The following CACNA1H variants were observed in gnomAD, a reference collection of about 807,000 sequenced individuals.
The protein encoded by CACNA1H is calcium voltage-gated channel subunit alpha1 H, also known as voltage-dependent T-type calcium channel subunit alpha-1H.
In CACNA1H, 149 loss-of-function variants were observed where a neutral mutation model predicts 192.5. The ratio of observed to expected loss-of-function variants is 0.77; its 90% CI spans 0.68 to 0.89. The LOEUF is 0.89. CACNA1H is among the 40% of genes least tolerant of loss of function. The probability of loss-of-function intolerance (pLI) is 0.00; values close to 1 mark genes in which losing one functional copy is unlikely to be tolerated. For missense variants in CACNA1H, 4,257 were observed against 3,423.5 expected, an observed-to-expected ratio of 1.24 and a Z score of -6.08; for synonymous variants, 2,202 against 1,475.2, an observed-to-expected ratio of 1.49 and a Z score of -11.29.
chr16:1,176,038 C>T (rs76953133), intron 2 of CACNA1H, among the ~76,000 whole-genome samples: 1 of 152,340 alleles, frequency 6.6e-6, no homozygotes, highest in African/African-American at 2.4e-5. Context: ...AGGCGCCTCC[C>T]ACTCCCATCG....
chr16:1,184,757 C>T (rs1965813840), intron 2 of CACNA1H, among the ~76,000 whole-genome samples: 1 of 152,246 alleles, frequency 6.6e-6, no homozygotes, highest in Non-Finnish European at 1.5e-5. Flanking sequence ...GTCTCAATTC[C>T]TGGTCCAAAG....
At chr16:1,184,567 C>T (rs1044965873) in intron 2 of CACNA1H, among the ~76,000 whole-genome samples, 3 of 152,272 alleles carry the variant, frequency 2.0e-5, no homozygotes, top group African/African-American at 4.8e-5. Context: ...CATCCCTGCC[C>T]TCTCGTAGGC....
chr16:1,178,462 C>G (rs1379509235), intron 2 of CACNA1H, among the ~76,000 whole-genome samples: 2 of 151,918 alleles, frequency 1.3e-5, no homozygotes, highest in East Asian at 3.9e-4. Flanking sequence ...AGATAAGGGC[C>G]CTTTCGAAGG....
chr16:1,176,513 T>C lies in CACNA1H; in HGVS notation c.300-18459T>C, dbSNP rs536217991. ...ACCTGTGGCTCGGGCTGAGGAGGCC[T>C]GGGGCCAGTACTTCCCCCCATGCTC... On this transcript the variant is annotated intron_variant, in intron 2 of 34. Transcript: ENST00000348261. 3.3e-5 allele frequency among the ~76,000 whole-genome samples: 5 copies of C among 152,334 alleles called. No homozygotes were observed. In the East Asian group the frequency reaches 9.7e-4, roughly 29 times the overall value.
At position 1,212,507 on chromosome 16, in the gene CACNA1H, C is replaced by T. The variant is rs377601289; in HGVS notation, c.4760-4C>T. Reference sequence around the variant, plus strand: ...GCCCTCAGACCATCTCCTTGTCTTTCCAGGCACTTTCCCCAGCCCAGGTAC... The same window carrying T: ...GCCCTCAGACCATCTCCTTGTCTTTTCAGGCACTTTCCCCAGCCCAGGTAC... On this transcript the variant is annotated splice_region_variant and splice_polypyrimidine_tract_variant and intron_variant, in intron 25 of 34. Transcript: ENST00000348261. The T allele has an allele frequency of 1.2e-6, 2 of 1,610,918 alleles. No individual in the cohort carries two copies. The highest frequency in any genetic ancestry group is 2.7e-5 in the African/African-American group (2 of 74,884).
chr16:1,157,371 A>G (rs1339993692), intron 2 of CACNA1H, among the ~76,000 whole-genome samples: 1 of 152,222 alleles, frequency 6.6e-6, no homozygotes, highest in Non-Finnish European at 1.5e-5. Flanking sequence ...GGGATGCTGA[A>G]GGACAGAGCT....
intron 17 of CACNA1H, 81 bp downstream of exon 17, chr16:1,209,493 G>A: frequency 1.3e-6 from 2 of 1,527,818 alleles, no homozygotes; most frequent in Non-Finnish European, 1.8e-6. Context: ...TTTGAGATGG[G>A]ATTCAGGGCG....
intron 2 of CACNA1H, among the ~76,000 whole-genome samples, chr16:1,181,745 C>G (rs370440717): frequency 1.7e-4 from 26 of 152,326 alleles, no homozygotes; most frequent in African/African-American, 5.8e-4. Flanking sequence ...TCCTTTCATT[C>G]CTGGAGGTGG....
intron 2 of CACNA1H, among the ~76,000 whole-genome samples, chr16:1,175,557 G>A (rs1377958180): frequency 2.6e-5 from 4 of 152,138 alleles, no homozygotes; most frequent in African/African-American, 7.2e-5. Flanking sequence ...CCGTCTGCTC[G>A]CCGTGTCCCG....
intron 2 of CACNA1H, among the ~76,000 whole-genome samples, chr16:1,155,806 C>G (rs570190755): frequency 1.3e-3 from 191 of 152,236 alleles, no homozygotes; most frequent in Non-Finnish European, 2.2e-3. Context: ...AAGGTGTTGG[C>G]TGGGTGGCCT....
chr16:1,198,109 A>G (rs1480399679), intron 5 of CACNA1H, among the ~76,000 whole-genome samples: 1 of 152,098 alleles, frequency 6.6e-6, no homozygotes, highest in Non-Finnish European at 1.5e-5. Flanking sequence ...GACCCCCAGG[A>G]GGCAGCCCAC....
At chr16:1,217,886 T>C in intron 31 of CACNA1H, 33 bp from the exon 32 acceptor site, 1 of 1,571,954 alleles carries the variant, frequency 6.4e-7, no homozygotes, top group Non-Finnish European at 8.6e-7. Context: ...CGGAGCGGGC[T>C]CGGCTGACCG....
At chr16:1,176,173 A>G (rs916916906) in intron 2 of CACNA1H, among the ~76,000 whole-genome samples, 5 of 152,190 alleles carry the variant, frequency 3.3e-5, no homozygotes, top group Admixed American at 6.5e-5. Context: ...TTAAACATAA[A>G]CGCTGTGTGG....
chr16:1,202,700 A>G (rs1457664595), intron 9 of CACNA1H, among the ~76,000 whole-genome samples: 18 of 151,708 alleles, frequency 1.2e-4, no homozygotes, highest in Admixed American at 1.2e-3. Flanking sequence ...CGGAGGTGGG[A>G]TTTTGAATCT....
chr16:1,201,879 C>T lies in CACNA1H; in HGVS notation c.1429C>T (p.Arg477Cys), dbSNP rs376935647. 141 of 1,552,884 alleles carry T rather than the reference C, an allele frequency of 9.1e-5. No individual in the cohort carries two copies. The highest frequency in any genetic ancestry group is 5.9e-5 in the Admixed American group (3 of 51,250). Residue 477 changes from arginine to cysteine, a missense_variant, in exon 9 of 35, where the codon CGC becomes TGC. Physicochemically the swap from Arg to Cys is radical, Grantham distance 180. Coordinates refer to ENST00000348261, the MANE Select transcript of CACNA1H (RefSeq NM_021098.3). ...CCGCAAGGTCAAGCGGCGCAGCTTG[C>T]GCCTCTACGCCCGCTGGCAGAGCCG... ...IFRKVKRRSL[R>C]LYARWQSRWR...
At chr16:1,157,861 T>C (rs1962634740) in intron 2 of CACNA1H, 1 of 152,250 alleles carries the variant, frequency 6.6e-6, no homozygotes, top group South Asian at 2.1e-4. Context: ...CCGTCCCTTC[T>C]GCCTGGGTGG....
intron 21 of CACNA1H, 61 bp from the exon 22 acceptor site, chr16:1,211,107 C>T (rs1158540038): frequency 5.7e-6 from 9 of 1,590,828 alleles, no homozygotes; most frequent in Admixed American, 3.4e-5. Flanking sequence ...TTGCTGAGCT[C>T]TGCCGGCGCC....
Position 1,175,057 on chromosome 16 carries a change from CCTA to C in CACNA1H, c.300-19912_300-19910del, listed in dbSNP as rs754688174. 5.9e-5 allele frequency among the ~76,000 whole-genome samples: 9 copies of C among 152,132 alleles called. No individual in the cohort carries two copies. The South Asian group carries it at 6.2e-4, about 10-fold the overall frequency. On this transcript the variant is annotated intron_variant, in intron 2 of 34. Coordinates refer to ENST00000348261, the MANE Select transcript of CACNA1H (RefSeq NM_021098.3). ...GGTGGTGGCTCCGTGTATCAGGAGTCCTACTCTACGCACAGGTCAACTTCCACA... is the reference window on the plus strand; with the variant it reads ...GGTGGTGGCTCCGTGTATCAGGAGTCCTCTACGCACAGGTCAACTTCCACA...
intron 10 of CACNA1H, among the ~76,000 whole-genome samples, chr16:1,204,911 G>C (rs1198020139): frequency 2.8e-4 from 10 of 36,024 alleles, no homozygotes; most frequent in Non-Finnish European, 4.9e-4. Flanking sequence ...GCCGCGGGTG[G>C]GGCCCCAGAT....
Sources: allele counts gnomAD v4.1 joint callset (sites outside exome capture counted in the v4.1 genomes callset), GRCh38; gene constraint gnomAD v4.1.1; transcripts MANE v1.5; gene names NCBI Gene and HGNC (gene_info 2026-07-23, HGNC 2026-07-21).